ULK2: variants seen among roughly 807,000 people sequenced by gnomAD.
ULK2 encodes the protein unc-51 like autophagy activating kinase 2, also known as serine/threonine-protein kinase ULK2.
A neutral mutation model predicts 127.5 loss-of-function variants in ULK2; 76 were observed. The observed-to-expected ratio is 0.60, with a 90% CI of 0.50 to 0.72. The LOEUF is 0.72. Ranked by LOEUF, ULK2 falls within the 30% of genes least tolerant of loss-of-function variation. ULK2 has a pLI of 0.00. For synonymous variants in ULK2, 452 were observed against 461.9 expected (o/e 0.98, Z 0.28); for missense variants, 1,144 against 1,295.9 (o/e 0.88, Z 1.80).
intron 20 of ULK2, among the ~76,000 whole-genome samples, chr17:19,789,791 T>C (rs1040249580): frequency 1.3e-5 from 2 of 151,222 alleles, no homozygotes; most frequent in African/African-American, 2.4e-5. Flanking sequence ...AATAGCAGAA[T>C]TGATCAAGCA....
intron 10 of ULK2, among the ~76,000 whole-genome samples, chr17:19,830,718 T>C (rs1183982732): frequency 1.3e-5 from 2 of 151,940 alleles, no homozygotes; most frequent in African/African-American, 4.8e-5. Context: ...TGTTACTCTG[T>C]TTTCGCACAC....
chr17:19,856,977 CAAAAAAAAAAAAAAAA>C (rs1157706276), intron 3 of ULK2, among the ~76,000 whole-genome samples: 239 of 21,330 alleles, frequency 0.011, 5 homozygotes, highest in African/African-American at 0.025. Context: ...ACTCCATCTC[CAAAAAAAAAAAAAAAA>C]AAAAAAAAAA....
At chr17:19,844,989 C>G (rs2041846181) in intron 7 of ULK2, among the ~76,000 whole-genome samples, 1 of 152,088 alleles carries the variant, frequency 6.6e-6, no homozygotes, top group Non-Finnish European at 1.5e-5. Flanking sequence ...TTTTTTAAAG[C>G]ACTCTTATAT....
chr17:19,813,116 T>A (rs1488650788), intron 13 of ULK2, among the ~76,000 whole-genome samples: 1 of 152,198 alleles, frequency 6.6e-6, no homozygotes, highest in African/African-American at 2.4e-5. Context: ...ATATCAGGTT[T>A]ATACTCTTCA....
At position 19,776,325 on chromosome 17, in the gene ULK2, C is replaced by G; in HGVS notation, c.*24G>C. ...AGGCATCACCTCACGTTCCCACCAC[C>G]GGTCCACGGGATGAGCCTGCTGCTC... On this transcript the variant is annotated 3_prime_UTR_variant, in exon 27 of 27. Transcript: ENST00000395544. The G allele has an allele frequency of 6.3e-7, 1 of 1,587,804 alleles. No homozygotes were observed. Among genetic ancestry groups the G allele is most frequent in the Non-Finnish European group, 8.6e-7 (1 of 1,168,256 alleles).
intron 10 of ULK2, 80 bp from the exon 11 acceptor site, chr17:19,826,266 C>A: frequency 1.2e-6 from 1 of 814,056 alleles, no homozygotes. Flanking sequence ...TCAACGTATT[C>A]AATATAATGT....
At chr17:19,856,977 CAAAAAAAA>C (rs1157706276) in intron 3 of ULK2, among the ~76,000 whole-genome samples, 567 of 21,304 alleles carry the variant, frequency 0.027, 7 homozygotes, top group African/African-American at 0.07. Flanking sequence ...ACTCCATCTC[CAAAAAAAA>C]AAAAAAAAAA....
intron 3 of ULK2, among the ~76,000 whole-genome samples, chr17:19,853,022 G>C (rs1488942983): frequency 1.3e-5 from 2 of 152,100 alleles, no homozygotes; most frequent in Non-Finnish European, 2.9e-5. Context: ...AGCAGAAGTA[G>C]AGAAAATGGC....
Position 19,782,018 on chromosome 17 carries a change from G to A in ULK2, c.2510C>T (p.Thr837Ile). Residue 837 changes from threonine to isoleucine, a missense_variant, in exon 23 of 27, where the codon ACT (threonine) becomes ATT (isoleucine). Around this residue, in one of 2 missense-constraint regions of ULK2, gnomAD observed 913 missense variants for 970.5 expected, o/e 0.94. Transcript: ENST00000395544. ...LRHLNVMLMF[T>I]ECVLDLTAMR... is the part of the protein sequence containing the mutation. Reference sequence around the variant, plus strand: ...GGCTGTCAGGTCCAGCACACACTCAGTGAACATCAGCATCACATTCAGATG... The same window carrying A: ...GGCTGTCAGGTCCAGCACACACTCAATGAACATCAGCATCACATTCAGATG... 1.2e-6 allele frequency: 2 copies of A among 1,614,224 alleles called. No homozygotes were observed. Among genetic ancestry groups the A allele is most frequent in the Non-Finnish European group, 1.7e-6 (2 of 1,180,046 alleles).
chr17:19,848,238 C>G (rs2041935383), intron 5 of ULK2: 1 of 152,138 alleles, frequency 6.6e-6, no homozygotes, highest in Non-Finnish European at 1.5e-5. Flanking sequence ...CTAAAAGTCA[C>G]AAGTGTAATT....
chr17:19,796,016 T>C (rs1307155815), intron 19 of ULK2, 79 bp downstream of exon 19: 8 of 1,531,452 alleles, frequency 5.2e-6, no homozygotes, highest in East Asian at 4.5e-5. Flanking sequence ...TAATGTAGTC[T>C]TGCTGCTTTT....
intron 3 of ULK2, among the ~76,000 whole-genome samples, chr17:19,858,736 G>A (rs983225043): frequency 6.6e-6 from 1 of 152,174 alleles, no homozygotes; most frequent in Non-Finnish European, 1.5e-5. Context: ...TTGGGAGGCC[G>A]AAGCAGGTGG....
intron 9 of ULK2, chr17:19,840,220 C>T (rs2041709232): frequency 6.0e-6 from 3 of 503,538 alleles, no homozygotes; most frequent in East Asian, 5.6e-5. Flanking sequence ...ACCCGACGGG[C>T]GCAAGTTGAG....
At position 19,771,581 on chromosome 17, in the gene ULK2, G is replaced by C. The variant is rs1342008896; in HGVS notation, c.*4768C>G. 6.6e-6 allele frequency: 1 copy of C among 152,198 alleles called. No homozygotes were observed. The highest frequency in any genetic ancestry group is 1.5e-5 in the Non-Finnish European group (1 of 68,066). 9.4% of individuals were successfully genotyped at this position (152,198 alleles called of 1,614,324 possible). A position where few individuals can be genotyped will look rare whatever the true frequency, so the allele number is the denominator to read the frequency against. The stretch of plus-strand genomic sequence containing the variant: ...GCCACAGAGTGATGACCACTACAAC[G>C]GATACAGGATTGCTGAGCCCTTCCA... On this transcript the variant is annotated 3_prime_UTR_variant, in exon 27 of 27. Coordinates refer to ENST00000395544, the MANE Select transcript of ULK2 (RefSeq NM_014683.4).
At chr17:19,777,254 G>A (rs112392185) in intron 26 of ULK2, among the ~76,000 whole-genome samples, 2,121 of 152,266 alleles carry the variant, frequency 0.014, 27 homozygotes, top group Middle Eastern at 0.031. Context: ...ACAGGTATGC[G>A]CCATGATGCA....
chr17:19,856,539 G>A (rs1402311480), intron 3 of ULK2, among the ~76,000 whole-genome samples: 4 of 148,006 alleles, frequency 2.7e-5, no homozygotes, highest in South Asian at 2.2e-4. Context: ...CCGAGATCGC[G>A]CCACTGCACT....
intron 20 of ULK2, among the ~76,000 whole-genome samples, chr17:19,790,100 AATCAG>A (rs2152383800): frequency 6.6e-6 from 1 of 152,288 alleles, no homozygotes; most frequent in Non-Finnish European, 1.5e-5. Flanking sequence ...TTGTTTATGC[AATCAG>A]TGTTGTCATC....
At chr17:19,844,408 C>T (rs2041832522) in intron 7 of ULK2, among the ~76,000 whole-genome samples, 1 of 152,148 alleles carries the variant, frequency 6.6e-6, no homozygotes, top group Non-Finnish European at 1.5e-5. Flanking sequence ...AAAGGCACGC[C>T]ATCACTACAC....
chr17:19,867,044 G>A (rs553976435), intron 1 of ULK2, among the ~76,000 whole-genome samples: 2 of 152,178 alleles, frequency 1.3e-5, no homozygotes, highest in Non-Finnish European at 2.9e-5. Context: ...TTGGGTCCAG[G>A]GTAACCTGGG....
Sources: gnomAD v4.1 joint callset for allele counts (sites outside exome capture counted in the v4.1 genomes callset) on GRCh38, gnomAD v4.1.1 for gene constraint, gnomAD v4.1.1 regional missense constraint, MANE v1.5 for transcripts, NCBI Gene and HGNC (gene_info 2026-07-23, HGNC 2026-07-21) for gene names.